STAT5B: variants seen among roughly 807,000 people sequenced by gnomAD.
The protein encoded by STAT5B is transcription factor STAT5B.
A neutral mutation model predicts 107.8 loss-of-function variants in STAT5B; 21 were observed. The ratio of observed to expected loss-of-function variants is 0.19; its 90% confidence interval spans 0.14 to 0.28. STAT5B has a LOEUF of 0.28. STAT5B is among the 10% of genes least tolerant of loss of function. STAT5B has a pLI of 1.00. For missense variants in STAT5B, 565 were observed against 1,008.2 expected (o/e 0.56, Z 5.95); for synonymous variants, 325 against 401.7 (o/e 0.81, Z 2.28).
At chr17:42,246,089 C>T (rs1174803680) in intron 1 of STAT5B, among the ~76,000 whole-genome samples, 1 of 152,064 alleles carries the variant, frequency 6.6e-6, no homozygotes, top group Non-Finnish European at 1.5e-5. Flanking sequence ...GGTGAAGGGG[C>T]TTTTTGGTAC....
At chr17:42,263,895 A>G (rs1435314601) in intron 1 of STAT5B, among the ~76,000 whole-genome samples, 1 of 151,706 alleles carries the variant, frequency 6.6e-6, no homozygotes. Flanking sequence ...ACACACACAC[A>G]CACACACACA....
At chr17:42,220,102 C>A (rs2080211982) in intron 5 of STAT5B, among the ~76,000 whole-genome samples, 1 of 152,168 alleles carries the variant, frequency 6.6e-6, no homozygotes, top group Admixed American at 6.5e-5. Flanking sequence ...GGGGAGGAGG[C>A]CTGCCTGCCT....
intron 1 of STAT5B, among the ~76,000 whole-genome samples, chr17:42,273,699 C>A (rs1172517266): frequency 6.6e-6 from 1 of 152,166 alleles, no homozygotes; most frequent in Admixed American, 6.6e-5. Context: ...ATGTTATTTA[C>A]CTATCTATAA....
intron 1 of STAT5B, among the ~76,000 whole-genome samples, chr17:42,251,380 G>A (rs1039093878): frequency 3.3e-5 from 5 of 152,238 alleles, no homozygotes; most frequent in Non-Finnish European, 4.4e-5. Flanking sequence ...AAACTTGTTC[G>A]CAAATTCCTT....
intron 1 of STAT5B, among the ~76,000 whole-genome samples, chr17:42,242,358 G>A (rs1392945874): frequency 6.6e-6 from 1 of 152,064 alleles, no homozygotes; most frequent in African/African-American, 2.4e-5. Context: ...ACAGTTGTTG[G>A]GGAACAGCAT....
chr17:42,205,931 AC>A (rs1483188818), intron 16 of STAT5B, among the ~76,000 whole-genome samples: 1 of 152,056 alleles, frequency 6.6e-6, no homozygotes, highest in Non-Finnish European at 1.5e-5. Flanking sequence ...AACAAAAAAA[AC>A]AAACATGTCC....
intron 1 of STAT5B, among the ~76,000 whole-genome samples, chr17:42,243,158 AT>A (rs1341843414): frequency 3.3e-5 from 5 of 150,506 alleles, no homozygotes; most frequent in African/African-American, 1.2e-4. Context: ...ACTTTAAAAA[AT>A]ATATGTGTTT....
rs747677045 is a variant in STAT5B, at chr17:42,211,981, C to T, written c.1680+3G>A. On this transcript the variant is annotated splice_donor_region_variant and intron_variant, in intron 13 of 18. Transcript: ENST00000293328. ...AACAGCGGCTGGCAGCTGGGCTCCTCACCCTGTTGAACTGGGACCAGGACA... is the reference window on the plus strand; with the variant it reads ...AACAGCGGCTGGCAGCTGGGCTCCTTACCCTGTTGAACTGGGACCAGGACA... 5 of 1,609,234 alleles carry T rather than the reference C, an allele frequency of 3.1e-6. No homozygotes were observed. Among genetic ancestry groups the T allele is most frequent in the South Asian group, 1.1e-5 (1 of 90,398 alleles).
upstream of STAT5B, among the ~76,000 whole-genome samples, chr17:42,279,802 A>AG (rs1212548084): frequency 6.8e-6 from 1 of 147,506 alleles, no homozygotes; most frequent in Non-Finnish European, 1.5e-5. Flanking sequence ...ACTCCATCTC[A>AG]GAAAAAAAAA....
chr17:42,220,330 A>G (rs1371399017), intron 5 of STAT5B, among the ~76,000 whole-genome samples: 1 of 152,204 alleles, frequency 6.6e-6, no homozygotes, highest in Non-Finnish European at 1.5e-5. Flanking sequence ...AGGACATGGA[A>G]GATGCCAGAA....
intron 1 of STAT5B, among the ~76,000 whole-genome samples, chr17:42,244,113 G>T (rs1173876276): frequency 1.3e-5 from 2 of 149,460 alleles, no homozygotes; most frequent in African/African-American, 4.9e-5. Context: ...TTTGAGACAG[G>T]GTCTCACTCT....
At chr17:42,221,286 T>C (rs2080224265) in intron 5 of STAT5B, among the ~76,000 whole-genome samples, 1 of 151,170 alleles carries the variant, frequency 6.6e-6, no homozygotes, top group Admixed American at 6.6e-5. Context: ...GTGGTGGTGA[T>C]CCCAACACCT....
upstream of STAT5B, chr17:42,276,669 C>T (rs986124873): frequency 1.3e-5 from 2 of 152,108 alleles, no homozygotes; most frequent in Non-Finnish European, 2.9e-5. This position sits in a 1 kb window ranked among gnomAD's most constrained non-coding sequence, Gnocchi z 4.8. Context: ...GCTCGGCTCC[C>T]TAGCCGACGC....
At chr17:42,263,079 G>A (rs1272043259) in intron 1 of STAT5B, among the ~76,000 whole-genome samples, 1 of 137,844 alleles carries the variant, frequency 7.3e-6, no homozygotes, top group Non-Finnish European at 1.5e-5. Flanking sequence ...CATTGCCCGG[G>A]CTTGGGAGTG....
intron 1 of STAT5B, among the ~76,000 whole-genome samples, chr17:42,239,706 T>C (rs1466168813): frequency 6.6e-6 from 1 of 152,224 alleles, no homozygotes; most frequent in Non-Finnish European, 1.5e-5. Flanking sequence ...AATTGTAACA[T>C]GGTGAAACAG....
At chr17:42,262,826 G>GTATATATACACACATATATATGTA (rs2080615844) in intron 1 of STAT5B, among the ~76,000 whole-genome samples, 1 of 117,520 alleles carries the variant, frequency 8.5e-6, no homozygotes, top group Admixed American at 8.5e-5. Context: ...ATATATATGT[G>GTATATATACACACATATATATGTA]TATATATACA....
In STAT5B at chr17:42,202,435, T is replaced by C. The variant is rs778825869; in HGVS notation, c.2142A>G (p.Ala714=). 4 of 1,614,164 alleles carry C rather than the reference T, an allele frequency of 2.5e-6. No homozygotes were observed. The South Asian group carries it at 4.4e-5, about 18-fold the overall frequency. ...IKQVVPEFVN[A]SADAGGGSAT... is the part of the protein sequence containing the mutation. Reference sequence around the variant, plus strand: ...CGCTGCCGCCCCCGGCATCTGCAGATGCGTTCACAAACCTGCAGAAGGAAG... The same window carrying C: ...CGCTGCCGCCCCCGGCATCTGCAGACGCGTTCACAAACCTGCAGAAGGAAG... Residue 714 remains alanine, a synonymous_variant, in exon 18 of 19, where the codon GCA becomes GCG. Transcript: ENST00000293328.
chr17:42,223,600 G>T (rs776670278), intron 4 of STAT5B, 44 bp from the exon 5 acceptor site: 1 of 1,605,070 alleles, frequency 6.2e-7, no homozygotes, highest in South Asian at 1.1e-5. Context: ...CGAATGGGAG[G>T]AAGACTGAGG....
intron 15 of STAT5B, among the ~76,000 whole-genome samples, chr17:42,209,192 C>A (rs2080109505): frequency 6.6e-6 from 1 of 152,040 alleles, no homozygotes; most frequent in African/African-American, 2.4e-5. Flanking sequence ...ACACCATGAG[C>A]ACCACCATGC....
Sources: allele counts gnomAD v4.1 joint callset (sites outside exome capture counted in the v4.1 genomes callset), GRCh38; gene constraint gnomAD v4.1.1; non-coding constraint Gnocchi (gnomAD v3.1); transcripts MANE v1.5; gene names NCBI Gene and HGNC (gene_info 2026-07-23, HGNC 2026-07-21).